Variants in RGPD2 observed in about 807,000 individuals in gnomAD.
RGPD2 encodes the protein RANBP2-like and GRIP domain-containing protein 2.
Under a neutral mutation model 36.0 loss-of-function variants are expected in RGPD2, and 2 were observed. The observed-to-expected ratio is 0.06, with a 90% confidence interval of 0.02 to 0.17. RGPD2 has a LOEUF of 0.17. Among genes scored for constraint, RGPD2 ranks in the 10% least tolerant of loss-of-function variants. The probability of loss-of-function intolerance (pLI) is 1.00; values close to 1 mark genes in which losing one functional copy is unlikely to be tolerated. For synonymous variants in RGPD2, 19 were observed against 163.8 expected, an observed-to-expected ratio of 0.12 and a Z score of 6.75; for missense variants, 40 against 464.3, an observed-to-expected ratio of 0.09 and a Z score of 8.40.
chr2:87,873,310 G>C, the RGPD2 span, among the ~76,000 whole-genome samples: 1 of 144,292 alleles, frequency 6.9e-6, no homozygotes, highest in African/African-American at 2.6e-5. Flanking sequence ...ACATATGTGT[G>C]CATGTATCTT....
the RGPD2 span, among the ~76,000 whole-genome samples, chr2:87,962,265 C>T: frequency 6.6e-6 from 1 of 152,060 alleles, no homozygotes; most frequent in Non-Finnish European, 1.5e-5. Context: ...TAAAAGCTCA[C>T]ATTTGTGTAA....
the RGPD2 span, among the ~76,000 whole-genome samples, chr2:87,919,485 A>G: frequency 6.1e-4 from 93 of 152,246 alleles, no homozygotes; most frequent in Non-Finnish European, 1.1e-3. Context: ...CAGTGGCAGT[A>G]GCCAAATGAG....
the RGPD2 span, among the ~76,000 whole-genome samples, chr2:87,914,317 G>A: frequency 5.0e-5 from 4 of 79,742 alleles, no homozygotes; most frequent in Non-Finnish European, 9.8e-5. Context: ...GGTTGAAGAC[G>A]ATTCAAGGAA....
intron 22 of RGPD2, among the ~76,000 whole-genome samples, chr2:87,760,586 G>A (rs1237368067): frequency 1.3e-4 from 1 of 7,622 alleles, no homozygotes; most frequent in Non-Finnish European, 3.3e-4. Context: ...TTCAGTCACT[G>A]TTGCTTCAAA....
the RGPD2 span, among the ~76,000 whole-genome samples, chr2:87,836,483 T>C: frequency 1.3e-5 from 2 of 151,708 alleles, no homozygotes; most frequent in African/African-American, 4.8e-5. Flanking sequence ...CAACCAAGAA[T>C]TTAATATCTA....
At chr2:87,854,687 C>A in the RGPD2 span, among the ~76,000 whole-genome samples, 1 of 152,136 alleles carries the variant, frequency 6.6e-6, no homozygotes, top group African/African-American at 2.4e-5. Flanking sequence ...TAAGATTGTT[C>A]CATATTTTTT....
the RGPD2 span, among the ~76,000 whole-genome samples, chr2:87,988,541 A>ATATATATATTTT: frequency 7.0e-4 from 38 of 54,148 alleles, no homozygotes; most frequent in Non-Finnish European, 1.1e-3. Flanking sequence ...ATATATATAT[A>ATATATATATTTT]TTTTTTTTTT....
chr2:87,834,702 G>A, the RGPD2 span, among the ~76,000 whole-genome samples: 1 of 151,906 alleles, frequency 6.6e-6, no homozygotes, highest in Admixed American at 6.6e-5. Context: ...AAATGAGTGG[G>A]GAAAGATATT....
At chr2:87,852,640 A>T in the RGPD2 span, among the ~76,000 whole-genome samples, 2 of 152,220 alleles carry the variant, frequency 1.3e-5, no homozygotes, top group Non-Finnish European at 2.9e-5. Context: ...CCTCTATGCT[A>T]TTGATTGTGT....
intron 8 of RGPD2, among the ~76,000 whole-genome samples, chr2:87,799,327 CA>C (rs1313323735): frequency 1.3e-4 from 4 of 31,862 alleles, no homozygotes; most frequent in Admixed American, 3.5e-4. Flanking sequence ...GAGATCCCGC[CA>C]CTGCACTCCA....
chr2:87,900,835 C>A, the RGPD2 span, among the ~76,000 whole-genome samples: 3 of 151,722 alleles, frequency 2.0e-5, no homozygotes, highest in Non-Finnish European at 2.9e-5. Context: ...AACTTCACAT[C>A]ACTCTGTGGT....
At chr2:87,976,489 G>C in the RGPD2 span, among the ~76,000 whole-genome samples, 11 of 151,440 alleles carry the variant, frequency 7.3e-5, no homozygotes, top group Admixed American at 5.3e-4. Flanking sequence ...TTAAAGCCCA[G>C]AACTTATTCC....
chr2:87,919,999 A>G, the RGPD2 span, among the ~76,000 whole-genome samples: 1 of 151,946 alleles, frequency 6.6e-6, no homozygotes, highest in Non-Finnish European at 1.5e-5. Context: ...CTGCAAGACA[A>G]AGCAAATAAT....
chr2:87,957,236 T>TGGGGC, the RGPD2 span, among the ~76,000 whole-genome samples: 1 of 116,242 alleles, frequency 8.6e-6, no homozygotes, highest in African/African-American at 3.3e-5. Context: ...ACAAGGTCAC[T>TGGGGC]GGGGGGGGGC....
the RGPD2 span, among the ~76,000 whole-genome samples, chr2:87,894,236 C>A: frequency 2.0e-5 from 3 of 151,978 alleles, no homozygotes; most frequent in African/African-American, 7.2e-5. Flanking sequence ...TGACATCATT[C>A]ATCAGTTTCT....
the RGPD2 span, among the ~76,000 whole-genome samples, chr2:87,958,336 A>C: frequency 6.6e-6 from 1 of 152,018 alleles, no homozygotes; most frequent in Non-Finnish European, 1.5e-5. Context: ...TCTTAGTTTC[A>C]GGCATTTTTG....
At chr2:87,824,006 AAG>A (rs1225395040) in intron 1 of RGPD2, among the ~76,000 whole-genome samples, 2 of 142,316 alleles carry the variant, frequency 1.4e-5, no homozygotes, top group East Asian at 4.0e-4. Context: ...AAACTAGAGA[AAG>A]AATTATATAT....
the RGPD2 span, among the ~76,000 whole-genome samples, chr2:87,918,575 C>T: frequency 6.6e-6 from 1 of 151,454 alleles, no homozygotes; most frequent in Non-Finnish European, 1.5e-5. Flanking sequence ...ACCAATTCTC[C>T]TAGCACTGGA....
chr2:87,984,168 T>C, the RGPD2 span, among the ~76,000 whole-genome samples: 3 of 151,230 alleles, frequency 2.0e-5, no homozygotes, highest in African/African-American at 7.3e-5. Flanking sequence ...AGAAATAAGA[T>C]AAAATTTCTC....
Sources: allele counts gnomAD v4.1 joint callset (sites outside exome capture counted in the v4.1 genomes callset), GRCh38; gene constraint gnomAD v4.1.1; transcripts MANE v1.5; gene names NCBI Gene and HGNC (gene_info 2026-07-23, HGNC 2026-07-21).